Variants in MTMR8 observed in about 807,000 individuals in gnomAD.
MTMR8 encodes the protein myotubularin related protein 8.
A neutral mutation model predicts 39.3 loss-of-function variants in MTMR8; 65 were observed. That is an observed-to-expected ratio of 1.65 (90% CI 1.35 to 2.03). The LOEUF is 2.03. Among genes scored for constraint, MTMR8 ranks in the 30% most tolerant of loss-of-function variants. The probability of loss-of-function intolerance (pLI) is 0.00; values close to 1 mark genes in which losing one functional copy is unlikely to be tolerated. For synonymous variants in MTMR8, 245 were observed against 185.2 expected, an observed-to-expected ratio of 1.32 and a Z score of -2.62; for missense variants, 777 against 538.9, an observed-to-expected ratio of 1.44 and a Z score of -4.37.
intron 13 of MTMR8, 128 bp downstream of exon 13, chrX:64,270,819 C>T (rs1931743493): frequency 1.5e-6 from 1 of 674,989 alleles, no homozygotes; most frequent in Non-Finnish European, 2.1e-6. Flanking sequence ...AGACACGGGA[C>T]ACATGAAAAG....
chrX:64,270,649 A>G (rs954394778), intron 13 of MTMR8, among the ~76,000 whole-genome samples: 1 of 112,205 alleles, frequency 8.9e-6, no homozygotes, highest in Non-Finnish European at 1.9e-5. Context: ...TGGATAACAA[A>G]TGCTATGTGA....
chrX:64,295,707 T>G (rs1440509643), intron 12 of MTMR8, among the ~76,000 whole-genome samples: 1 of 111,561 alleles, frequency 9.0e-6, no homozygotes, highest in Non-Finnish European at 1.9e-5. Flanking sequence ...CATGAAAATA[T>G]GCTCAATGCC....
chrX:64,362,612 T>C (rs758455943), intron 1 of MTMR8, among the ~76,000 whole-genome samples: 1 of 103,945 alleles, frequency 9.6e-6, no homozygotes. Flanking sequence ...GACAAAAGAG[T>C]ATTTGCTAGA....
intron 4 of MTMR8, among the ~76,000 whole-genome samples, chrX:64,354,173 G>T (rs1210347811): frequency 9.2e-6 from 1 of 108,154 alleles, no homozygotes; most frequent in African/African-American, 3.4e-5. Flanking sequence ...GTTGGTAAGG[G>T]TAGTGGAGTG....
chrX:64,313,794 A>T (rs766972086), intron 12 of MTMR8, among the ~76,000 whole-genome samples: 1 of 112,559 alleles, frequency 8.9e-6, no homozygotes, highest in East Asian at 2.8e-4. Flanking sequence ...CTGTGATTTC[A>T]GCCATCTTAG....
intron 12 of MTMR8, among the ~76,000 whole-genome samples, chrX:64,302,226 G>C (rs1225173124): frequency 8.9e-6 from 1 of 112,595 alleles, no homozygotes; most frequent in Non-Finnish European, 1.9e-5. Flanking sequence ...AGATTCCGCG[G>C]GCGTAGGACC....
chrX:64,382,106 T>C (rs1224525085), intron 1 of MTMR8, among the ~76,000 whole-genome samples: 1 of 111,845 alleles, frequency 8.9e-6, no homozygotes, highest in Non-Finnish European at 1.9e-5. Flanking sequence ...TGGTTCCATA[T>C]GAACTTTACA....
chrX:64,322,474 AT>A (rs1922677973), intron 12 of MTMR8, among the ~76,000 whole-genome samples: 2 of 111,888 alleles, frequency 1.8e-5, no homozygotes, highest in Non-Finnish European at 3.8e-5. Context: ...TTTGAGAAGA[AT>A]TGGTATTTGT....
chrX:64,373,657 G>C (rs1388141140), intron 1 of MTMR8, among the ~76,000 whole-genome samples: 1 of 110,992 alleles, frequency 9.0e-6, no homozygotes, highest in Non-Finnish European at 1.9e-5. Flanking sequence ...TGTGTGGTTG[G>C]GGAGAGGAAG....
chrX:64,311,692 C>T (rs895522827), intron 12 of MTMR8, among the ~76,000 whole-genome samples: 1 of 109,862 alleles, frequency 9.1e-6, no homozygotes, highest in African/African-American at 3.3e-5. Flanking sequence ...GGAAGGGATC[C>T]AGTTTCAGCT....
At chrX:64,270,566 AT>A (rs1020784012) in intron 13 of MTMR8, among the ~76,000 whole-genome samples, 1 of 112,320 alleles carries the variant, frequency 8.9e-6, no homozygotes, top group African/African-American at 3.2e-5. Context: ...CTTTTGTAAG[AT>A]TTTCCTAATT....
At chrX:64,358,348 T>A (rs928352005) in intron 2 of MTMR8, among the ~76,000 whole-genome samples, 7 of 111,604 alleles carry the variant, frequency 6.3e-5, no homozygotes, top group African/African-American at 2.3e-4. Context: ...TGGGGAAAGT[T>A]CAGTTTTAAA....
At chrX:64,377,625 GT>G (rs1366652510) in intron 1 of MTMR8, among the ~76,000 whole-genome samples, 1 of 112,468 alleles carries the variant, frequency 8.9e-6, no homozygotes, top group African/African-American at 3.2e-5. Context: ...TAACTAACTT[GT>G]TTTTTATTTT....
chrX:64,318,472 G>C (rs1209609270), intron 12 of MTMR8, among the ~76,000 whole-genome samples: 1 of 110,871 alleles, frequency 9.0e-6, no homozygotes. Context: ...AGCTTCTTCA[G>C]CTCCAAGTCT....
At position 64,268,857 on chromosome X, in the gene MTMR8, C is replaced by G; in HGVS notation, c.1795G>C (p.Asp599His). 4 of 1,211,709 alleles carry G rather than the reference C, an allele frequency of 3.3e-6. No individual in the cohort carries two copies. The highest frequency in any genetic ancestry group is 4.5e-6 in the Non-Finnish European group (4 of 895,523). ...TCTGCACCCTGGCTTTTTACTTGAT[C>G]CATCTGAGCTCGGAGGCCTCCTTCC... is the stretch of plus-strand genomic sequence containing the variant. ...SREGGLRAQMDQVKSQGADLH... is the reference protein window; with the variant it reads ...SREGGLRAQMHQVKSQGADLH... Residue 599 changes from aspartate to histidine, a missense_variant, in exon 14 of 14, where the codon GAT (aspartate) becomes CAT (histidine). Asp to His is a moderately conservative substitution (Grantham distance 81). Coordinates refer to ENST00000374852, the MANE Select transcript of MTMR8 (RefSeq NM_017677.4).
chrX:64,307,018 G>T (rs1010418369), intron 12 of MTMR8, among the ~76,000 whole-genome samples: 1 of 112,031 alleles, frequency 8.9e-6, no homozygotes, highest in Non-Finnish European at 1.9e-5. Flanking sequence ...GAGTGAGATG[G>T]CCTCAATCTC....
intron 1 of MTMR8, among the ~76,000 whole-genome samples, chrX:64,379,889 T>C (rs981835606): frequency 7.2e-5 from 8 of 111,357 alleles, no homozygotes; most frequent in African/African-American, 2.6e-4. Flanking sequence ...TAACAATCAA[T>C]TAATGTAATC....
chrX:64,325,582 A>C (rs1922767721), intron 12 of MTMR8, among the ~76,000 whole-genome samples: 1 of 112,034 alleles, frequency 8.9e-6, no homozygotes, highest in Non-Finnish European at 1.9e-5. Flanking sequence ...CATTTGACAA[A>C]ATTAAATATC....
chrX:64,327,047 A>C (rs1326037052), intron 12 of MTMR8, among the ~76,000 whole-genome samples: 1 of 111,943 alleles, frequency 8.9e-6, no homozygotes, highest in African/African-American at 3.2e-5. Context: ...ATGGATTAAA[A>C]ACTTAAATGA....
Sources: gnomAD v4.1 joint callset for allele counts (sites outside exome capture counted in the v4.1 genomes callset) on GRCh38, gnomAD v4.1.1 for gene constraint, MANE v1.5 for transcripts, NCBI Gene and HGNC (gene_info 2026-07-23, HGNC 2026-07-21) for gene names.